SLC8B1: variants seen among roughly 807,000 people sequenced by gnomAD.
The protein encoded by SLC8B1 is mitochondrial sodium/calcium exchanger protein.
SLC8B1 carries 52 observed loss-of-function variants against 63.4 expected under a neutral mutation model. The ratio of observed to expected loss-of-function variants is 0.82; its 90% CI spans 0.66 to 1.03. The LOEUF (loss-of-function observed/expected upper bound fraction) is 1.03. Ranked by LOEUF, SLC8B1 falls within the 50% of genes least tolerant of loss-of-function variation. SLC8B1 has a pLI of 0.00. For synonymous variants in SLC8B1, 336 were observed against 323.9 expected (o/e 1.04, Z -0.40); for missense variants, 657 against 741.7 (o/e 0.89, Z 1.33).
Position 113,318,021 on chromosome 12 carries a change from T to A in SLC8B1, c.802+943A>T, listed in dbSNP as rs151193366. Among the ~76,000 whole-genome samples the A allele has an allele frequency of 1.6e-3, 240 of 152,338 alleles. 2 individuals carry two copies. Among genetic ancestry groups the A allele is most frequent in the African/African-American group, 5.5e-3 (227 of 41,570 alleles). ...TGTATTTATGTGTGTTGCATGTGTG[T>A]GCACATATTTGTATGCATGTGCATG... is the stretch of plus-strand genomic sequence containing the variant. On this transcript the variant is annotated intron_variant, in intron 8 of 15. Coordinates refer to ENST00000680972, the MANE Select transcript of SLC8B1 (RefSeq NM_001358345.2).
At chr12:113,332,499 A>G (rs898820593) in intron 2 of SLC8B1, among the ~76,000 whole-genome samples, 3 of 152,200 alleles carry the variant, frequency 2.0e-5, no homozygotes, top group Non-Finnish European at 4.4e-5. Flanking sequence ...TCCTGGCCTC[A>G]AGTGATCCTC....
At chr12:113,316,901 C>G in intron 9 of SLC8B1, 41 bp downstream of exon 9, 5 of 1,604,214 alleles carry the variant, frequency 3.1e-6, no homozygotes, top group Non-Finnish European at 4.3e-6. Context: ...CAGCCTTTCC[C>G]TGTTACCGCC....
intron 2 of SLC8B1, 123 bp from the exon 3 acceptor site, chr12:113,321,471 G>A (rs1385933417): frequency 2.4e-6 from 3 of 1,249,594 alleles, no homozygotes; most frequent in Non-Finnish European, 3.4e-6. Context: ...CATACCCTCT[G>A]GGTGCCAACT....
intron 7 of SLC8B1, 50 bp from the exon 8 acceptor site, chr12:113,319,121 A>G (rs1377920766): frequency 7.2e-7 from 1 of 1,396,300 alleles, no homozygotes; most frequent in South Asian, 1.2e-5. Context: ...GTGCAGGTCT[A>G]GAGAACAACA....
chr12:113,312,305 G>A (rs952544891), intron 11 of SLC8B1, among the ~76,000 whole-genome samples: 3 of 152,038 alleles, frequency 2.0e-5, no homozygotes, highest in South Asian at 2.1e-4. Flanking sequence ...GTGGTGGCAC[G>A]CACCTGTAAT....
chr12:113,324,312 AAAAAAAACAAACAAAC>A (rs1329235578), intron 2 of SLC8B1, among the ~76,000 whole-genome samples: 3 of 151,560 alleles, frequency 2.0e-5, no homozygotes, highest in African/African-American at 7.3e-5. Flanking sequence ...GCCTGTCTCA[AAAAAAAACAAACAAAC>A]AAAAAAAAAA....
At chr12:113,327,326 T>C (rs534979307) in intron 2 of SLC8B1, among the ~76,000 whole-genome samples, 1 of 151,984 alleles carries the variant, frequency 6.6e-6, no homozygotes, top group Non-Finnish European at 1.5e-5. Flanking sequence ...TGCGTCCTTC[T>C]AGGTGAGTGA....
chr12:113,331,687 C>T (rs1399003169), intron 2 of SLC8B1, among the ~76,000 whole-genome samples: 2 of 152,120 alleles, frequency 1.3e-5, no homozygotes, highest in Admixed American at 6.6e-5. Context: ...TCAGACTGAC[C>T]TCCTCGCTCT....
intron 13 of SLC8B1, 77 bp downstream of exon 13, chr12:113,307,614 C>G: frequency 6.5e-7 from 1 of 1,532,786 alleles, no homozygotes; most frequent in Non-Finnish European, 8.8e-7. Flanking sequence ...TGCCCAGATG[C>G]GACTCTGGCT....
rs1269542182 is a variant in SLC8B1, at chr12:113,321,097, C to A, written c.321G>T (p.Leu107=). Residue 107 remains leucine (L), a synonymous_variant, in exon 4 of 16, where the codon CTG becomes CTT. Transcript: ENST00000680972. ...CTCCCAGAATCAGAAACAGGTAGAG[C>A]AGCCAGGAAACCTGGGTGGGGAGCG... ...PLAVTLYVSW[L]LYLFLILGVT... 1 of 1,613,836 alleles carries A rather than the reference C, an allele frequency of 6.2e-7. No homozygotes were observed. Among genetic ancestry groups the A allele is most frequent in the African/African-American group, 1.3e-5 (1 of 74,904 alleles).
At chr12:113,333,219 A>G (rs1957080512) in intron 1 of SLC8B1, among the ~76,000 whole-genome samples, 1 of 152,184 alleles carries the variant, frequency 6.6e-6, no homozygotes, top group South Asian at 2.1e-4. Flanking sequence ...GCCTGAGGCC[A>G]GAATGCCAGG....
At chr12:113,318,744 G>C (rs369792254) in intron 8 of SLC8B1, among the ~76,000 whole-genome samples, 2 of 152,222 alleles carry the variant, frequency 1.3e-5, no homozygotes, top group African/African-American at 4.8e-5. Flanking sequence ...CAACTGCATA[G>C]AGAGAAGGAA....
rs757378816 is a variant in SLC8B1, at chr12:113,332,809, C to G, written c.70G>C (p.Val24Leu). 7.4e-6 allele frequency: 12 copies of G among 1,614,110 alleles called. No homozygotes were observed. Among genetic ancestry groups the G allele is most frequent in the Admixed American group, 5.0e-5 (3 of 60,002 alleles). Residue 24 changes from valine (V) to leucine (L), a missense_variant, in exon 2 of 16, where the codon GTG becomes CTG. Val to Leu is a conservative substitution (Grantham distance 32, BLOSUM62 1). Transcript: ENST00000680972. ...VLCVLLMAET[V>L]SGTRGSSTGA... Reference sequence around the variant, plus strand: ...GTAGACGAGCCCCTAGTCCCAGACACTGTCTCCGCCATTAGCAGCACACAA... The same window carrying G: ...GTAGACGAGCCCCTAGTCCCAGACAGTGTCTCCGCCATTAGCAGCACACAA...
chr12:113,301,039 G>C (rs1442175544), intron 15 of SLC8B1, among the ~76,000 whole-genome samples: 1 of 152,126 alleles, frequency 6.6e-6, no homozygotes, highest in East Asian at 1.9e-4. Context: ...GGGAGGCTGA[G>C]GCAGGAGAAT....
At chr12:113,303,394 A>G (rs1477001978) in intron 15 of SLC8B1, among the ~76,000 whole-genome samples, 1 of 152,150 alleles carries the variant, frequency 6.6e-6, no homozygotes, top group African/African-American at 2.4e-5. Context: ...CCGAGAGCCT[A>G]TTCAACAACT....
intron 11 of SLC8B1, among the ~76,000 whole-genome samples, chr12:113,311,470 A>C (rs1956759402): frequency 6.6e-6 from 1 of 151,782 alleles, no homozygotes; most frequent in South Asian, 2.1e-4. Context: ...ACAAAAACAA[A>C]TTAGCTGGGC....
intron 7 of SLC8B1, 135 bp from the exon 8 acceptor site, chr12:113,319,206 G>C (rs1593252613): frequency 3.0e-6 from 2 of 663,638 alleles, no homozygotes; most frequent in African/African-American, 1.8e-5. Flanking sequence ...GTGGGTAAAT[G>C]GCCTTTTCCT....
At chr12:113,318,109 TAA>T (rs1593251004) in intron 8 of SLC8B1, among the ~76,000 whole-genome samples, 2 of 152,206 alleles carry the variant, frequency 1.3e-5, no homozygotes, top group African/African-American at 2.4e-5. Flanking sequence ...CATGTTTGTA[TAA>T]GTGTGTTGTG....
chr12:113,333,522 C>CG (rs961934769), intron 1 of SLC8B1, among the ~76,000 whole-genome samples: 1 of 152,104 alleles, frequency 6.6e-6, no homozygotes, highest in Non-Finnish European at 1.5e-5. Context: ...ACATGCCGAG[C>CG]GGGGGTAGCA....
Sources: gnomAD v4.1 joint callset for allele counts (sites outside exome capture counted in the v4.1 genomes callset) on GRCh38, gnomAD v4.1.1 for gene constraint, MANE v1.5 for transcripts, NCBI Gene and HGNC (gene_info 2026-07-23, HGNC 2026-07-21) for gene names.